The following MARCHF8 variants were observed in gnomAD, a reference collection of about 807,000 sequenced individuals.
MARCHF8 encodes the protein E3 ubiquitin-protein ligase MARCHF8.
Under a neutral mutation model 51.6 loss-of-function variants are expected in MARCHF8, and 40 were observed. The observed-to-expected ratio is 0.77, with a 90% confidence interval of 0.60 to 1.01. MARCHF8 has a LOEUF of 1.01. Ranked by LOEUF, MARCHF8 falls within the 50% of genes least tolerant of loss-of-function variation. MARCHF8 has a pLI of 0.00. For synonymous variants in MARCHF8, 263 were observed against 280.3 expected (o/e 0.94, Z 0.62); for missense variants, 685 against 708.6 (o/e 0.97, Z 0.38).
At chr10:45,511,973 GC>G (rs1403205753) in intron 2 of MARCHF8, among the ~76,000 whole-genome samples, 3 of 151,196 alleles carry the variant, frequency 2.0e-5, no homozygotes, top group African/African-American at 7.3e-5. Context: ...GAGCGTCTCT[GC>G]CCGGCCGCCA....
intron 1 of MARCHF8, among the ~76,000 whole-genome samples, chr10:45,590,511 C>T (rs1373843549): frequency 6.6e-6 from 1 of 152,108 alleles, no homozygotes; most frequent in Non-Finnish European, 1.5e-5. Context: ...CTAGTAGTTA[C>T]TGGTGTACGC....
At chr10:45,543,980 G>A (rs2133316311) in intron 1 of MARCHF8, among the ~76,000 whole-genome samples, 1 of 152,042 alleles carries the variant, frequency 6.6e-6, no homozygotes, top group Non-Finnish European at 1.5e-5. Context: ...AGGCAAGAGG[G>A]TCGTTTGAGC....
intron 1 of MARCHF8, among the ~76,000 whole-genome samples, chr10:45,552,850 TTA>T (rs1484470028): frequency 6.6e-6 from 1 of 152,246 alleles, no homozygotes; most frequent in Non-Finnish European, 1.5e-5. Context: ...CCAAACCTGT[TTA>T]TGTCAGTTGT....
chr10:45,456,004 G>A lies in MARCHF8; in HGVS notation c.*2235C>T, dbSNP rs1293043283. On this transcript the variant is annotated 3_prime_UTR_variant, in exon 8 of 8. Coordinates refer to ENST00000453424, the MANE Select transcript of MARCHF8 (RefSeq NM_001282866.2). ...CTACCTAAGCACTTTCTTGTCTACA[G>A]GAAGTCTTGGTGCTTTTCAAGTTCA... 6.6e-6 allele frequency: 1 copy of A among 152,230 alleles called. No homozygotes were observed. Among genetic ancestry groups the A allele is most frequent in the Non-Finnish European group, 1.5e-5 (1 of 68,050 alleles). The allele number at this position is 152,230 out of a possible 1,614,324, so 9.4% of individuals were successfully genotyped here.
intron 1 of MARCHF8, among the ~76,000 whole-genome samples, chr10:45,559,291 A>G (rs2044284618): frequency 1.3e-5 from 2 of 152,234 alleles, no homozygotes; most frequent in Admixed American, 6.5e-5. Flanking sequence ...AATGTGCTAT[A>G]ATTTTTTTAT....
chr10:45,589,766 T>A (rs145767438), intron 1 of MARCHF8, among the ~76,000 whole-genome samples: 132 of 152,350 alleles, frequency 8.7e-4, no homozygotes, highest in African/African-American at 3.0e-3. Flanking sequence ...TATTCCTGAA[T>A]AATAGTCCAC....
chr10:45,481,561 A>AT (rs1188059414), intron 3 of MARCHF8, among the ~76,000 whole-genome samples: 1 of 152,196 alleles, frequency 6.6e-6, no homozygotes, highest in Non-Finnish European at 1.5e-5. Flanking sequence ...AATAAGTCTC[A>AT]TGAGATCTGA....
intron 1 of MARCHF8, among the ~76,000 whole-genome samples, chr10:45,578,277 G>A (rs980801638): frequency 1.3e-5 from 2 of 152,154 alleles, no homozygotes; most frequent in Non-Finnish European, 2.9e-5. Flanking sequence ...TGTTGCACCA[G>A]AAAGTAAATA....
At chr10:45,546,409 C>G (rs975066481) in intron 1 of MARCHF8, among the ~76,000 whole-genome samples, 3 of 152,050 alleles carry the variant, frequency 2.0e-5, no homozygotes, top group African/African-American at 4.8e-5. Flanking sequence ...GCAATCCGCC[C>G]GCCTTGGCCT....
At chr10:45,594,866 GC>G (rs2044723636) in exon 1 of MARCHF8, 1 of 152,260 alleles carries the variant, frequency 6.6e-6, no homozygotes, top group African/African-American at 2.4e-5. Flanking sequence ...CCAGCGCGTC[GC>G]CTGTTTACAC....
At chr10:45,557,861 T>C (rs2044269636) in intron 1 of MARCHF8, among the ~76,000 whole-genome samples, 1 of 152,176 alleles carries the variant, frequency 6.6e-6, no homozygotes, top group African/African-American at 2.4e-5. Context: ...ACAGGTGCCT[T>C]AGGTCAGGTA....
chr10:45,520,397 A>G (rs1185023920), intron 2 of MARCHF8, among the ~76,000 whole-genome samples: 1 of 152,266 alleles, frequency 6.6e-6, no homozygotes, highest in Non-Finnish European at 1.5e-5. Flanking sequence ...AATACTTGAC[A>G]TAGTATACAG....
At chr10:45,487,918 T>G (rs2043012142) in intron 3 of MARCHF8, among the ~76,000 whole-genome samples, 1 of 152,068 alleles carries the variant, frequency 6.6e-6, no homozygotes, top group Non-Finnish European at 1.5e-5. Flanking sequence ...CAGCTGAATC[T>G]GTGGTGTGTT....
chr10:45,521,818 T>C (rs1318363456), intron 2 of MARCHF8, among the ~76,000 whole-genome samples: 2 of 152,228 alleles, frequency 1.3e-5, no homozygotes, highest in African/African-American at 2.4e-5. Flanking sequence ...AATAGTACAA[T>C]GAATACCTGT....
intron 3 of MARCHF8, among the ~76,000 whole-genome samples, chr10:45,466,415 G>A (rs977849513): frequency 3.3e-5 from 5 of 152,158 alleles, no homozygotes; most frequent in East Asian, 1.9e-4. Context: ...AGAAGTAAGC[G>A]TCTTCATCAC....
At chr10:45,586,612 T>C (rs1400361943) in intron 1 of MARCHF8, among the ~76,000 whole-genome samples, 1 of 152,160 alleles carries the variant, frequency 6.6e-6, no homozygotes, top group Non-Finnish European at 1.5e-5. Flanking sequence ...AAAATTCTGA[T>C]TGCTCTACAT....
intron 3 of MARCHF8, among the ~76,000 whole-genome samples, chr10:45,482,052 G>A (rs1179205235): frequency 6.6e-6 from 1 of 151,968 alleles, no homozygotes; most frequent in African/African-American, 2.4e-5. Context: ...AATCAAAAAG[G>A]CAATCCCATT....
intron 1 of MARCHF8, among the ~76,000 whole-genome samples, chr10:45,556,627 G>C (rs77420238): frequency 0.079 from 12,038 of 152,244 alleles, 679 homozygotes; most frequent in Admixed American, 0.19. Context: ...AAATTTTTCA[G>C]GATTTCCTGC....
chr10:45,512,417 G>A (rs1478087468), intron 2 of MARCHF8, among the ~76,000 whole-genome samples: 4 of 148,170 alleles, frequency 2.7e-5, no homozygotes, highest in East Asian at 2.1e-4. Flanking sequence ...CCCCCCGCCC[G>A]GCCAGCCACC....
Sources: gnomAD v4.1 joint callset for allele counts (sites outside exome capture counted in the v4.1 genomes callset) on GRCh38, gnomAD v4.1.1 for gene constraint, MANE v1.5 for transcripts, NCBI Gene and HGNC (gene_info 2026-07-23, HGNC 2026-07-21) for gene names.